The following TAOK1 variants were observed in gnomAD, a reference collection of about 807,000 sequenced individuals.
TAOK1 encodes TAO kinase 1.
TAOK1 carries 21 observed loss-of-function variants against 138.3 expected under a neutral mutation model. That is an observed-to-expected ratio of 0.15 (90% CI 0.11 to 0.22). The LOEUF (loss-of-function observed/expected upper bound fraction) is 0.22, where lower values mean the gene tolerates loss of function less well. Ranked by LOEUF, TAOK1 falls within the 10% of genes least tolerant of loss-of-function variation. The pLI is 1.00. For synonymous variants in TAOK1, 361 were observed against 398.4 expected (o/e 0.91, Z 1.12); for missense variants, 651 against 1,227.7 (o/e 0.53, Z 7.02).
chr17:29,499,544 TTTTCTTTC>T (rs1392368182), intron 12 of TAOK1, among the ~76,000 whole-genome samples: 1 of 139,784 alleles, frequency 7.2e-6, no homozygotes, highest in South Asian at 2.2e-4. Context: ...TTATATCTTT[TTTTCTTTC>T]TTTCTTTCTT....
At chr17:29,506,848 A>G (rs2031637209) in intron 13 of TAOK1, among the ~76,000 whole-genome samples, 1 of 152,216 alleles carries the variant, frequency 6.6e-6, no homozygotes, top group African/African-American at 2.4e-5. Flanking sequence ...GAAAGAACAC[A>G]AATGTCCATC....
intron 8 of TAOK1, among the ~76,000 whole-genome samples, chr17:29,483,784 GT>G (rs924378591): frequency 6.6e-6 from 1 of 152,148 alleles, no homozygotes; most frequent in African/African-American, 2.4e-5. Flanking sequence ...TTGCAAAACT[GT>G]TTCTTCCATT....
chr17:29,441,950 T>C (rs905380831), intron 1 of TAOK1, among the ~76,000 whole-genome samples: 2 of 152,108 alleles, frequency 1.3e-5, no homozygotes, highest in African/African-American at 4.8e-5. Flanking sequence ...TTGAGTCTTC[T>C]ATCTTTTTGT....
chr17:29,427,321 G>C lies in TAOK1; in HGVS notation c.-94-24134G>C, dbSNP rs565473097. Among the ~76,000 whole-genome samples, 3 of 152,250 alleles carry C rather than the reference G, an allele frequency of 2.0e-5. No homozygotes were observed. The East Asian group carries it at 5.8e-4, about 29-fold the overall frequency. The stretch of plus-strand genomic sequence containing the variant: ...AGTGCTTTAGAGATCTTGGCTAGGT[G>C]CGGTGGCTCACGCCTGTAATCCTAG... On this transcript the variant is annotated intron_variant, in intron 1 of 19. Coordinates refer to ENST00000261716, the MANE Select transcript of TAOK1 (RefSeq NM_020791.4).
At chr17:29,499,090 C>G (rs1359774819) in intron 12 of TAOK1, among the ~76,000 whole-genome samples, 2 of 151,782 alleles carry the variant, frequency 1.3e-5, no homozygotes, top group Non-Finnish European at 2.9e-5. Context: ...TATTATTTGA[C>G]ATTATTTACA....
intron 1 of TAOK1, among the ~76,000 whole-genome samples, chr17:29,431,451 A>T (rs1905828062): frequency 6.6e-6 from 1 of 151,930 alleles, no homozygotes; most frequent in Admixed American, 6.6e-5. Flanking sequence ...CTAAATAAAT[A>T]AATTAAAAAA....
intron 2 of TAOK1, among the ~76,000 whole-genome samples, chr17:29,458,415 G>A (rs1297415080): frequency 1.3e-5 from 2 of 152,180 alleles, no homozygotes; most frequent in East Asian, 1.9e-4. Context: ...GCTCTTTATC[G>A]TCTCCAACAT....
chr17:29,467,177 C>A lies in TAOK1; in HGVS notation c.165C>A (p.Ala55=). The change falls in exon 3 of 20, where the codon GCC becomes GCA. Residue 55 remains alanine, a synonymous_variant. Transcript: ENST00000261716. ...ATGTGCGTACCAATGAAGTGGTGGC[C>A]ATCAAGAAAATGTCTTATAGTGGAA... ...ARDVRTNEVV[A]IKKMSYSGKQ... The A allele has an allele frequency of 6.2e-7, 1 of 1,604,996 alleles. No individual in the cohort carries two copies. Among genetic ancestry groups the A allele is most frequent in the South Asian group, 1.1e-5 (1 of 89,486 alleles).
At chr17:29,466,791 AGTT>A (rs74267069) in intron 2 of TAOK1, among the ~76,000 whole-genome samples, 23,416 of 152,088 alleles carry the variant, frequency 0.15, 2,045 homozygotes, top group Middle Eastern at 0.22. Flanking sequence ...TTTCTTAAAA[AGTT>A]GTCTGTTTCA....
At chr17:29,416,233 C>T (rs573429272) in intron 1 of TAOK1, among the ~76,000 whole-genome samples, 5 of 152,188 alleles carry the variant, frequency 3.3e-5, no homozygotes, top group African/African-American at 1.2e-4. Context: ...CACTGCACTC[C>T]AGTCTGAGTG....
intron 1 of TAOK1, among the ~76,000 whole-genome samples, chr17:29,407,374 G>A (rs1567709613): frequency 6.6e-6 from 1 of 152,088 alleles, no homozygotes; most frequent in Non-Finnish European, 1.5e-5. Context: ...GCTCTTCTCT[G>A]TCTCCCTCTC....
At chr17:29,491,987 C>T (rs1389739214) in intron 10 of TAOK1, 122 bp downstream of exon 10, 45 of 654,588 alleles carry the variant, frequency 6.9e-5, no homozygotes, top group Non-Finnish European at 1.1e-4. Flanking sequence ...CAGGCTCAAG[C>T]GATCCTCCCA....
rs375775570 is a variant in TAOK1 at position 29,495,554 on chromosome 17, A to G, written c.832-6A>G. 3.1e-6 allele frequency: 5 copies of G among 1,590,256 alleles called. No homozygotes were observed. The Admixed American group carries it at 5.1e-5, about 16-fold the overall frequency. ...AAATCAACCTTTTACCTTCTACCCTATCTAGCACATATTTGTTCTTCGGGA... is the reference window on the plus strand; with the variant it reads ...AAATCAACCTTTTACCTTCTACCCTGTCTAGCACATATTTGTTCTTCGGGA... On this transcript the variant is annotated splice_polypyrimidine_tract_variant and splice_region_variant and intron_variant, in intron 10 of 19. Coordinates refer to ENST00000261716, the MANE Select transcript of TAOK1 (RefSeq NM_020791.4).
chr17:29,438,644 A>G (rs1017603007), intron 1 of TAOK1, among the ~76,000 whole-genome samples: 1 of 152,174 alleles, frequency 6.6e-6, no homozygotes, highest in African/African-American at 2.4e-5. Context: ...AGATCGTGGC[A>G]CTGCATTTCA....
intron 15 of TAOK1, among the ~76,000 whole-genome samples, chr17:29,515,997 C>G (rs1317907203): frequency 1.3e-5 from 2 of 151,774 alleles, no homozygotes; most frequent in East Asian, 3.9e-4. Context: ...GCTCTTGTTG[C>G]CCAGGCTGGA....
In TAOK1 at chr17:29,548,294, T is replaced by TTTTAA. The variant is rs2032434896; in HGVS notation, c.*5272_*5273insTTTAA. 6.6e-6 allele frequency: 1 copy of TTTTAA among 152,154 alleles called. No homozygotes were observed. Among genetic ancestry groups the TTTTAA allele is most frequent in the African/African-American group, 2.4e-5 (1 of 41,444 alleles). The allele number at this position is 152,154 out of a possible 1,614,324, so 9.4% of individuals were successfully genotyped here. ...CACTTCCTACCCACCCAAAGATAGATATCCTTTAAAGAAAATAAAGGCAGA... is the reference window on the plus strand; with the variant it reads ...CACTTCCTACCCACCCAAAGATAGATTTTAAATCCTTTAAAGAAAATAAAGGCAGA... On this transcript the variant is annotated 3_prime_UTR_variant, in exon 20 of 20. Transcript: ENST00000261716.
chr17:29,534,133 G>A lies in TAOK1; in HGVS notation c.2377G>A (p.Ala793Thr). 1 of 1,606,232 alleles carries A rather than the reference G, an allele frequency of 6.2e-7. No individual in the cohort carries two copies. Residue 793 changes from alanine (A) to threonine (T), a missense_variant, in exon 19 of 20, where the codon GCA becomes ACA. By Grantham distance (58) the Ala-to-Thr change is moderately conservative. Around this residue, in one of 8 missense-constraint regions of TAOK1, gnomAD observed 258 missense variants for 548.9 expected, o/e 0.47. Coordinates refer to ENST00000261716, the MANE Select transcript of TAOK1 (RefSeq NM_020791.4). The part of the protein sequence containing the change: ...LSTQALRLDE[A>T]QEAECQVLKM... Reference sequence around the variant, plus strand: ...TCTGTCTCAGCTGCGTTTGGATGAAGCACAGGAAGCAGAGTGCCAGGTTTT... The same window carrying A: ...TCTGTCTCAGCTGCGTTTGGATGAAACACAGGAAGCAGAGTGCCAGGTTTT...
At chr17:29,399,207 A>G (rs1269748704) in intron 1 of TAOK1, among the ~76,000 whole-genome samples, 1 of 151,614 alleles carries the variant, frequency 6.6e-6, no homozygotes, top group Non-Finnish European at 1.5e-5. Flanking sequence ...CTGGTATCGA[A>G]CTCCTGAGCT....
chr17:29,489,558 G>T, intron 8 of TAOK1, 106 bp from the exon 9 acceptor site: 1 of 725,288 alleles, frequency 1.4e-6, no homozygotes. Flanking sequence ...GTAAGTTTAA[G>T]ATTGTTTCAA....
Sources: allele counts gnomAD v4.1 joint callset (sites outside exome capture counted in the v4.1 genomes callset), GRCh38; gene constraint gnomAD v4.1.1; regional missense constraint gnomAD v4.1.1; transcripts MANE v1.5; gene names NCBI Gene and HGNC (gene_info 2026-07-23, HGNC 2026-07-21).